EVC2: variants seen among roughly 807,000 people sequenced by gnomAD.
EVC2 encodes the protein limbin.
EVC2 carries 148 observed loss-of-function variants against 149.3 expected under a neutral mutation model. The ratio of observed to expected loss-of-function variants is 0.99; its 90% confidence interval spans 0.87 to 1.14. The LOEUF (loss-of-function observed/expected upper bound fraction) is 1.14. Among genes scored for constraint, EVC2 ranks in the 50% most tolerant of loss-of-function variants. The pLI is 0.00. For synonymous variants in EVC2, 776 were observed against 649.9 expected (o/e 1.19, Z -2.95); for missense variants, 1,854 against 1,627.3 (o/e 1.14, Z -2.40).
At chr4:5,653,229 A>T (rs968754794) in intron 9 of EVC2, among the ~76,000 whole-genome samples, 68 of 152,322 alleles carry the variant, frequency 4.5e-4, no homozygotes, top group African/African-American at 1.6e-3. Flanking sequence ...ATACTTCCAA[A>T]TAAGGTTACA....
chr4:5,548,298 C>T (rs1274253041), intron 21 of EVC2, among the ~76,000 whole-genome samples: 3 of 151,458 alleles, frequency 2.0e-5, no homozygotes, highest in African/African-American at 7.3e-5. Context: ...CCCCAAAGAT[C>T]CCTCAAAACT....
chr4:5,588,782 C>T (rs968330190), intron 16 of EVC2, among the ~76,000 whole-genome samples: 8 of 152,142 alleles, frequency 5.3e-5, no homozygotes. Context: ...CTATACTTAA[C>T]CTTTTTTGAA....
intron 9 of EVC2, among the ~76,000 whole-genome samples, chr4:5,647,658 G>A (rs1402927544): frequency 2.0e-5 from 3 of 152,228 alleles, no homozygotes; most frequent in Non-Finnish European, 4.4e-5. Flanking sequence ...TCTACTCTGA[G>A]ACAGACAGAA....
chr4:5,584,625 G>T lies in EVC2; in HGVS notation c.3055C>A (p.Arg1019=). ...TCCTTCCCAGCGCCTGCACTCACCC[G>T]GCTGTGCGACTCCAGGATCTGTGTG... ...ACTQILESHS[R]ELQELERKLE... is the part of the protein sequence containing the mutation. The change falls in exon 17 of 22, where the codon CGG becomes AGG. Residue 1019 remains arginine (R), a splice_region_variant and synonymous_variant. Transcript: ENST00000344408. 1.2e-6 allele frequency: 2 copies of T among 1,612,708 alleles called. No individual in the cohort carries two copies. The highest frequency in any genetic ancestry group is 2.2e-5 in the East Asian group (1 of 44,828).
chr4:5,644,335 T>G (rs777477406), intron 9 of EVC2, among the ~76,000 whole-genome samples: 3 of 152,206 alleles, frequency 2.0e-5, no homozygotes, highest in Non-Finnish European at 4.4e-5. Context: ...AGACGGAGTT[T>G]CACTCTGTTG....
chr4:5,695,789 C>T (rs371107263), intron 2 of EVC2, among the ~76,000 whole-genome samples: 7 of 152,302 alleles, frequency 4.6e-5, no homozygotes, highest in South Asian at 4.1e-4. Flanking sequence ...GTGTACTTTT[C>T]AGTCTTTCTT....
At chr4:5,571,842 G>C (rs1337762196) in intron 19 of EVC2, among the ~76,000 whole-genome samples, 1 of 152,216 alleles carries the variant, frequency 6.6e-6, no homozygotes, top group Non-Finnish European at 1.5e-5. Context: ...TCTGAGGGAA[G>C]TCGATGGCCT....
intron 1 of EVC2, among the ~76,000 whole-genome samples, chr4:5,701,425 T>C (rs982901588): frequency 3.9e-5 from 6 of 152,216 alleles, no homozygotes; most frequent in African/African-American, 1.4e-4. Context: ...CTGCCGACCA[T>C]GGTGAGCCCC....
At chr4:5,586,496 G>A (rs1712291721) in intron 16 of EVC2, among the ~76,000 whole-genome samples, 1 of 152,102 alleles carries the variant, frequency 6.6e-6, no homozygotes, top group African/African-American at 2.4e-5. Context: ...TGAAGGGAAG[G>A]GGGAGCTGAA....
chr4:5,536,267 C>T, the EVC2 span, among the ~76,000 whole-genome samples: 1 of 151,972 alleles, frequency 6.6e-6, no homozygotes, highest in African/African-American at 2.4e-5. Context: ...ACCTAGTGCC[C>T]CTCACCCAAG....
chr4:5,706,147 AC>A (rs1201532030), intron 1 of EVC2, among the ~76,000 whole-genome samples: 1 of 151,644 alleles, frequency 6.6e-6, no homozygotes, highest in African/African-American at 2.4e-5. Flanking sequence ...TCAAGTCTTG[AC>A]TGACCTTCCA....
chr4:5,535,491 A>G, the EVC2 span, among the ~76,000 whole-genome samples: 3 of 152,060 alleles, frequency 2.0e-5, no homozygotes, highest in Admixed American at 6.6e-5. The surrounding 1 kb of genome is among the most constrained non-coding windows in gnomAD (Gnocchi z 4.7). Flanking sequence ...GCTATAACAA[A>G]TTATTACAGA....
chr4:5,529,171 T>C, the EVC2 span, among the ~76,000 whole-genome samples: 3,986 of 152,244 alleles, frequency 0.026, 176 homozygotes, highest in African/African-American at 0.091. This position sits in a 1 kb window ranked among gnomAD's most constrained non-coding sequence, Gnocchi z 4.5. Context: ...AAATCTATGC[T>C]GGTCAATGGT....
intron 16 of EVC2, among the ~76,000 whole-genome samples, chr4:5,587,634 G>A (rs1712409597): frequency 6.6e-6 from 1 of 152,176 alleles, no homozygotes; most frequent in Admixed American, 6.5e-5. Context: ...GAAGGAAGGG[G>A]TTTATTTGGC....
chr4:5,624,248 A>G (rs761316731), intron 13 of EVC2, among the ~76,000 whole-genome samples: 16 of 152,226 alleles, frequency 1.1e-4, no homozygotes, highest in Non-Finnish European at 1.5e-4. Flanking sequence ...GTGGGTCCAC[A>G]GATAGTCTCG....
chr4:5,708,745 T>G, upstream of EVC2: 1 of 430,082 alleles, frequency 2.3e-6, no homozygotes, highest in Non-Finnish European at 4.1e-6. Flanking sequence ...CTGGGTTTGC[T>G]TGCGCCCAAA....
At chr4:5,691,059 T>G (rs1721086256) in intron 4 of EVC2, among the ~76,000 whole-genome samples, 1 of 152,196 alleles carries the variant, frequency 6.6e-6, no homozygotes, top group African/African-American at 2.4e-5. Flanking sequence ...TTACTGACAA[T>G]TATTTAATTG....
intron 17 of EVC2, among the ~76,000 whole-genome samples, chr4:5,580,357 C>A (rs1283104061): frequency 1.3e-5 from 2 of 152,216 alleles, no homozygotes; most frequent in African/African-American, 4.8e-5. Context: ...GTTCCCCACT[C>A]AGGACACATT....
At chr4:5,634,084 G>A (rs1411667209) in intron 10 of EVC2, among the ~76,000 whole-genome samples, 4 of 152,366 alleles carry the variant, frequency 2.6e-5, no homozygotes, top group Admixed American at 1.3e-4. Context: ...CAGGGGCCAT[G>A]AGGCTACAAG....
Sources: gnomAD v4.1 joint callset for allele counts (sites outside exome capture counted in the v4.1 genomes callset) on GRCh38, gnomAD v4.1.1 for gene constraint, Gnocchi (gnomAD v3.1) non-coding constraint, MANE v1.5 for transcripts, NCBI Gene and HGNC (gene_info 2026-07-23, HGNC 2026-07-21) for gene names.